CNTN4: variants seen among roughly 807,000 people sequenced by gnomAD.
The protein encoded by CNTN4 is contactin-4.
A neutral mutation model predicts 122.5 loss-of-function variants in CNTN4; 77 were observed. The observed-to-expected ratio is 0.63, with a 90% CI of 0.52 to 0.76. The LOEUF (loss-of-function observed/expected upper bound fraction) is 0.76. CNTN4 is among the 30% of genes least tolerant of loss of function. The pLI, the probability that CNTN4 is intolerant of heterozygous loss-of-function variation, is 0.00. For synonymous variants in CNTN4, 512 were observed against 447.0 expected, an observed-to-expected ratio of 1.15 and a Z score of -1.83; for missense variants, 1,256 against 1,259.1, an observed-to-expected ratio of 1.00 and a Z score of 0.04.
At chr3:3,005,416 A>T (rs1481617780) in intron 14 of CNTN4, among the ~76,000 whole-genome samples, 1 of 152,260 alleles carries the variant, frequency 6.6e-6, no homozygotes, top group East Asian at 1.9e-4. Context: ...CTTTGCTTAG[A>T]AATCTCTTCA....
At chr3:2,531,109 T>C (rs1197291551) in intron 3 of CNTN4, among the ~76,000 whole-genome samples, 1 of 152,152 alleles carries the variant, frequency 6.6e-6, no homozygotes, top group Non-Finnish European at 1.5e-5. Context: ...AAAGAGTCAA[T>C]ATGTTTGATG....
chr3:2,813,900 G>C (rs756581970), intron 6 of CNTN4, among the ~76,000 whole-genome samples: 11 of 152,048 alleles, frequency 7.2e-5, no homozygotes, highest in Non-Finnish European at 1.0e-4. Flanking sequence ...TTTTATTATT[G>C]ATAGCATATT....
Position 2,437,308 on chromosome 3 carries a change from C to T in CNTN4, c.-89+98075C>T, listed in dbSNP as rs75682853. On this transcript the variant is annotated intron_variant, in intron 3 of 24. Coordinates refer to ENST00000418658, the MANE Select transcript of CNTN4 (RefSeq NM_175607.3). ...TAGAAGAAAAGTTTTTATAAAGAAA[C>T]CTACTCCATTAGTGTCCCTTAAAAT... 6.3e-3 allele frequency among the ~76,000 whole-genome samples: 952 copies of T among 152,134 alleles called. 9 individuals are homozygous for T. Among genetic ancestry groups the T allele is most frequent in the African/African-American group, 0.022 (912 of 41,506 alleles).
intron 3 of CNTN4, among the ~76,000 whole-genome samples, chr3:2,536,663 A>G (rs970649128): frequency 2.6e-5 from 4 of 151,150 alleles, no homozygotes; most frequent in East Asian, 1.9e-4. Context: ...GCTTCAAGTC[A>G]TCCTCCTGCT....
intron 8 of CNTN4, among the ~76,000 whole-genome samples, chr3:2,873,246 T>A (rs2093806553): frequency 6.6e-6 from 1 of 152,358 alleles, no homozygotes; most frequent in South Asian, 2.1e-4. Context: ...TTTCTTCTTC[T>A]TGTCTTCAAG....
chr3:3,027,160 A>G (rs116222267), intron 15 of CNTN4, among the ~76,000 whole-genome samples: 1,921 of 152,250 alleles, frequency 0.013, 36 homozygotes, highest in Non-Finnish European at 0.016. Context: ...CCACCCAACT[A>G]CAGTACTAGC....
Position 2,906,209 on chromosome 3 carries a change from C to T in CNTN4, c.1207+3204C>T, listed in dbSNP as rs1207723614. ...CGGCGGGGGAGGGTTGGGAAGATGTCGTTCAAAGAATACAACACTTCAGTT... is the reference window on the plus strand; with the variant it reads ...CGGCGGGGGAGGGTTGGGAAGATGTTGTTCAAAGAATACAACACTTCAGTT... On this transcript the variant is annotated intron_variant, in intron 12 of 24. Transcript: ENST00000418658. 3.3e-5 allele frequency among the ~76,000 whole-genome samples: 5 copies of T among 152,150 alleles called. No homozygotes were observed. The South Asian group carries it at 6.2e-4, about 19-fold the overall frequency.
chr3:2,175,754 G>A (rs1466243113), intron 2 of CNTN4, among the ~76,000 whole-genome samples: 1 of 152,136 alleles, frequency 6.6e-6, no homozygotes, highest in African/African-American at 2.4e-5. Flanking sequence ...GCTAACTGGT[G>A]TGTTGAAAAT....
intron 13 of CNTN4, among the ~76,000 whole-genome samples, chr3:2,964,291 G>C (rs1692072581): frequency 6.6e-6 from 1 of 152,114 alleles, no homozygotes; most frequent in Non-Finnish European, 1.5e-5. Flanking sequence ...GACTAGTTCT[G>C]CATAAGAAAA....
chr3:2,530,162 C>T (rs911455817), intron 3 of CNTN4, among the ~76,000 whole-genome samples: 15 of 152,008 alleles, frequency 9.9e-5, no homozygotes, highest in African/African-American at 3.1e-4. Context: ...GGTTGCCTCT[C>T]CAACATTTTC....
chr3:2,968,945 G>A (rs1310611954), intron 13 of CNTN4, among the ~76,000 whole-genome samples: 4 of 152,064 alleles, frequency 2.6e-5, no homozygotes, highest in African/African-American at 4.8e-5. Context: ...ACCCAAACTG[G>A]CTTATGAGGC....
intron 2 of CNTN4, among the ~76,000 whole-genome samples, chr3:2,196,874 G>T (rs368251521): frequency 1.3e-5 from 2 of 151,598 alleles, no homozygotes; most frequent in Non-Finnish European, 2.9e-5. Context: ...GAGAAACCTC[G>T]TCTCTACTAA....
At chr3:2,116,765 A>G (rs1392669362) in intron 2 of CNTN4, among the ~76,000 whole-genome samples, 1 of 152,114 alleles carries the variant, frequency 6.6e-6, no homozygotes, top group African/African-American at 2.4e-5. Flanking sequence ...CCCCCCTGCC[A>G]ACTCCCTACC....
intron 3 of CNTN4, among the ~76,000 whole-genome samples, chr3:2,375,065 A>G (rs1037365347): frequency 7.9e-5 from 12 of 152,250 alleles, no homozygotes; most frequent in Admixed American, 2.0e-4. Flanking sequence ...TTAGAAAGTC[A>G]TTGTAAAAAT....
intron 4 of CNTN4, among the ~76,000 whole-genome samples, chr3:2,623,890 GA>G (rs539652938): frequency 6.6e-6 from 1 of 151,820 alleles, no homozygotes; most frequent in African/African-American, 2.4e-5. Context: ...CTCACACATA[GA>G]AAAAAACAAA....
intron 2 of CNTN4, among the ~76,000 whole-genome samples, chr3:2,118,834 A>G (rs1216252576): frequency 6.6e-6 from 1 of 152,224 alleles, no homozygotes; most frequent in African/African-American, 2.4e-5. Flanking sequence ...TTCATTTTAA[A>G]AGTACATGCC....
intron 3 of CNTN4, among the ~76,000 whole-genome samples, chr3:2,361,255 C>A (rs911698324): frequency 2.0e-5 from 3 of 149,584 alleles, no homozygotes; most frequent in African/African-American, 7.6e-5. Flanking sequence ...ACTCACTGAG[C>A]ACAAGGAATA....
chr3:2,108,560 C>A (rs2032662795), intron 2 of CNTN4, among the ~76,000 whole-genome samples: 1 of 152,160 alleles, frequency 6.6e-6, no homozygotes, highest in Non-Finnish European at 1.5e-5. Flanking sequence ...TTCATTGAGA[C>A]AGTGGATAAC....
chr3:2,297,765 TG>T (rs1214635590), intron 2 of CNTN4, among the ~76,000 whole-genome samples: 1 of 152,222 alleles, frequency 6.6e-6, no homozygotes, highest in Non-Finnish European at 1.5e-5. Context: ...AGTCTCACTC[TG>T]TCACCCAAGC....
Sources: gnomAD v4.1 joint callset for allele counts (sites outside exome capture counted in the v4.1 genomes callset) on GRCh38, gnomAD v4.1.1 for gene constraint, MANE v1.5 for transcripts, NCBI Gene and HGNC (gene_info 2026-07-23, HGNC 2026-07-21) for gene names.